The following STAU2 variants were observed in gnomAD, a reference collection of about 807,000 sequenced individuals.
STAU2 encodes staufen double-stranded RNA binding protein 2.
A neutral mutation model predicts 65.9 loss-of-function variants in STAU2; 20 were observed. The ratio of observed to expected loss-of-function variants is 0.30; its 90% CI spans 0.21 to 0.44. The LOEUF is 0.44. Among genes scored for constraint, STAU2 ranks in the 20% least tolerant of loss-of-function variants. STAU2 has a pLI of 1.00. For missense variants in STAU2, 558 were observed against 683.9 expected, an observed-to-expected ratio of 0.82 and a Z score of 2.05; for synonymous variants, 232 against 233.9, an observed-to-expected ratio of 0.99 and a Z score of 0.07.
chr8:73,572,718 G>GA, intron 12 of STAU2, among the ~76,000 whole-genome samples: 1 of 152,076 alleles, frequency 6.6e-6, no homozygotes, highest in Admixed American at 6.6e-5. Flanking sequence ...TAAAAACTCT[G>GA]AAAAAACTAG....
intron 11 of STAU2, among the ~76,000 whole-genome samples, chr8:73,593,624 G>A (rs537371353): frequency 6.6e-6 from 1 of 152,268 alleles, no homozygotes; most frequent in South Asian, 2.1e-4. Flanking sequence ...ATTTAAAGTG[G>A]TGAACTCTGA....
chr8:73,666,115 C>G (rs1397953890), intron 6 of STAU2, among the ~76,000 whole-genome samples: 1 of 152,150 alleles, frequency 6.6e-6, no homozygotes, highest in Non-Finnish European at 1.5e-5. Flanking sequence ...GAGGGGCCAA[C>G]TGAATATTCA....
At chr8:73,651,239 G>A in intron 6 of STAU2, 1 of 727,486 alleles carries the variant, frequency 1.4e-6, no homozygotes, top group Non-Finnish European at 2.3e-6. Context: ...CCGCCAGAGA[G>A]GGCTATGGCT....
chr8:73,433,909 C>T (rs1032100234), intron 13 of STAU2, among the ~76,000 whole-genome samples: 11 of 151,996 alleles, frequency 7.2e-5, no homozygotes, highest in East Asian at 1.9e-4. Flanking sequence ...CCACACGGCA[C>T]GCTCACTCTG....
chr8:73,702,089 A>G (rs1009026102), intron 4 of STAU2, among the ~76,000 whole-genome samples: 1 of 152,142 alleles, frequency 6.6e-6, no homozygotes, highest in Non-Finnish European at 1.5e-5. Context: ...GAAAGGTAGC[A>G]GGAAGGTTGA....
At chr8:73,721,463 T>C (rs1821685568) in intron 3 of STAU2, among the ~76,000 whole-genome samples, 1 of 152,202 alleles carries the variant, frequency 6.6e-6, no homozygotes, top group South Asian at 2.1e-4. Flanking sequence ...TACTATATCT[T>C]TGATGATTTT....
intron 2 of STAU2, 50 bp from the exon 3 acceptor site, chr8:73,738,399 AT>A: frequency 7.5e-7 from 1 of 1,333,440 alleles, no homozygotes; most frequent in Non-Finnish European, 1.0e-6. Flanking sequence ...GATAACCTCA[AT>A]GACTGGTATT....
intron 13 of STAU2, chr8:73,438,890 G>A (rs773364130): frequency 1.4e-4 from 62 of 454,720 alleles, no homozygotes; most frequent in South Asian, 9.2e-4. Flanking sequence ...TGTGTGGGGA[G>A]CTTGATTTGC....
At chr8:73,438,573 C>A (rs1817884820) in intron 13 of STAU2, among the ~76,000 whole-genome samples, 1 of 152,196 alleles carries the variant, frequency 6.6e-6, no homozygotes, top group Non-Finnish European at 1.5e-5. Flanking sequence ...AAGGGCAATG[C>A]CTTATTCTGG....
intron 12 of STAU2, among the ~76,000 whole-genome samples, chr8:73,573,225 ACAAAC>A (rs1363637472): frequency 6.6e-6 from 1 of 152,262 alleles, no homozygotes; most frequent in Non-Finnish European, 1.5e-5. Context: ...AAGGAGAACT[ACAAAC>A]CAGTGCTCAA....
intron 11 of STAU2, among the ~76,000 whole-genome samples, chr8:73,593,392 T>C (rs1042997303): frequency 1.3e-5 from 2 of 152,224 alleles, no homozygotes; most frequent in South Asian, 4.1e-4. Context: ...TCTAGTTTTG[T>C]TATATGGTTA....
intron 4 of STAU2, among the ~76,000 whole-genome samples, chr8:73,689,711 CTAAG>C (rs1384885996): frequency 1.3e-5 from 2 of 152,066 alleles, no homozygotes; most frequent in African/African-American, 2.4e-5. Context: ...TCTAGGAATA[CTAAG>C]TATTAACTTA....
chr8:73,610,450 C>T (rs1373079140), intron 9 of STAU2, among the ~76,000 whole-genome samples: 1 of 148,876 alleles, frequency 6.7e-6, no homozygotes, highest in Non-Finnish European at 1.5e-5. Flanking sequence ...ATGGGAGAAT[C>T]GTTTGAACCC....
chr8:73,666,748 C>G (rs899312719), intron 6 of STAU2, among the ~76,000 whole-genome samples: 1 of 152,154 alleles, frequency 6.6e-6, no homozygotes, highest in East Asian at 1.9e-4. Flanking sequence ...ATAAACAAAC[C>G]CTTTGGGGAA....
At chr8:73,572,291 T>G (rs1163037010) in intron 12 of STAU2, among the ~76,000 whole-genome samples, 1 of 152,154 alleles carries the variant, frequency 6.6e-6, no homozygotes, top group Non-Finnish European at 1.5e-5. Context: ...CAGGACCAGA[T>G]GGATTCACAG....
chr8:73,581,311 T>C (rs1379474229), intron 12 of STAU2, among the ~76,000 whole-genome samples: 1 of 152,174 alleles, frequency 6.6e-6, no homozygotes, highest in Non-Finnish European at 1.5e-5. Flanking sequence ...AAAAGTTTAG[T>C]GCCTGAATGT....
intron 6 of STAU2, among the ~76,000 whole-genome samples, chr8:73,655,639 C>CTTTTTT (rs71269930): frequency 4.8e-5 from 5 of 104,748 alleles, no homozygotes; most frequent in Non-Finnish European, 7.5e-5. Flanking sequence ...TTTAATACAT[C>CTTTTTT]TTTTTTTTTT....
chr8:73,649,506 A>G (rs1302669274), intron 6 of STAU2, among the ~76,000 whole-genome samples: 2 of 152,130 alleles, frequency 1.3e-5, no homozygotes, highest in South Asian at 2.1e-4. Flanking sequence ...TATAAAAAAG[A>G]TAATACCAGC....
intron 11 of STAU2, among the ~76,000 whole-genome samples, chr8:73,585,888 T>C (rs1810332419): frequency 6.6e-6 from 1 of 152,194 alleles, no homozygotes; most frequent in African/African-American, 2.4e-5. Flanking sequence ...CTCTTGATGG[T>C]GAATGAGTCT....
Sources: allele counts gnomAD v4.1 joint callset (sites outside exome capture counted in the v4.1 genomes callset), GRCh38; gene constraint gnomAD v4.1.1; transcripts MANE v1.5; gene names NCBI Gene and HGNC (gene_info 2026-07-23, HGNC 2026-07-21).